Variants in CHD6 observed in about 807,000 individuals in gnomAD.
CHD6 encodes the protein ATP-dependent chromatin remodeler CHD6.
A neutral mutation model predicts 276.9 loss-of-function variants in CHD6; 50 were observed. That is an observed-to-expected ratio of 0.18 (90% CI 0.14 to 0.23). The LOEUF (loss-of-function observed/expected upper bound fraction) is 0.23. Ranked by LOEUF, CHD6 falls within the 10% of genes least tolerant of loss-of-function variation. CHD6 has a pLI of 1.00. For missense variants in CHD6, 2,564 were observed against 3,365.8 expected (o/e 0.76, Z 5.89); for synonymous variants, 1,173 against 1,229.3 (o/e 0.95, Z 0.96).
At chr20:41,607,658 C>T (rs555762793) in intron 1 of CHD6, among the ~76,000 whole-genome samples, 13 of 150,820 alleles carry the variant, frequency 8.6e-5, no homozygotes, top group South Asian at 8.4e-4. Context: ...CATGAAGACA[C>T]GGGTCTTGCT....
intron 3 of CHD6, among the ~76,000 whole-genome samples, chr20:41,516,186 C>T (rs554353270): frequency 2.0e-5 from 3 of 149,838 alleles, no homozygotes; most frequent in Non-Finnish European, 4.4e-5. Flanking sequence ...TTTTTTTAGA[C>T]GGAGTCTCGC....
At chr20:41,575,472 T>C (rs1203877374) in intron 1 of CHD6, among the ~76,000 whole-genome samples, 1 of 152,190 alleles carries the variant, frequency 6.6e-6, no homozygotes, top group Non-Finnish European at 1.5e-5. Context: ...ATGGTTCATG[T>C]CATAAATACC....
chr20:41,597,117 T>C (rs748519724), intron 1 of CHD6, among the ~76,000 whole-genome samples: 4 of 152,072 alleles, frequency 2.6e-5, no homozygotes, highest in African/African-American at 7.2e-5. Context: ...TGTGGAAGAA[T>C]AGGTCACTTC....
At chr20:41,476,877 T>G (rs1315838228) in intron 16 of CHD6, among the ~76,000 whole-genome samples, 1 of 152,066 alleles carries the variant, frequency 6.6e-6, no homozygotes, top group African/African-American at 2.4e-5. Context: ...TAAATGTGTA[T>G]GTATGTATAC....
intron 29 of CHD6, among the ~76,000 whole-genome samples, chr20:41,424,549 A>G (rs2047301070): frequency 6.6e-6 from 1 of 152,242 alleles, no homozygotes; most frequent in South Asian, 2.1e-4. Context: ...AGTCAGGAGT[A>G]CAGAGAAGTA....
chr20:41,559,299 T>C (rs1277919753), intron 1 of CHD6, among the ~76,000 whole-genome samples: 1 of 152,170 alleles, frequency 6.6e-6, no homozygotes, highest in Non-Finnish European at 1.5e-5. Flanking sequence ...AAGTTATCAC[T>C]AAATGTCTCC....
chr20:41,420,941 A>G lies in CHD6; in HGVS notation c.5694T>C (p.Thr1898=). The change falls in exon 31 of 37, where the codon ACT becomes ACC. Residue 1898 remains threonine, a synonymous_variant. Transcript: ENST00000373233. ...PEVLHLTEPT[T]NISREKNQGF... ...CTTGGTTCTTTTCCCTTGAGATGTT[A>G]GTAGTGGGCTCCGTGAGATGCAATA... 1 of 1,614,156 alleles carries G rather than the reference A, an allele frequency of 6.2e-7. No individual in the cohort carries two copies. Among genetic ancestry groups the G allele is most frequent in the African/African-American group, 1.3e-5 (1 of 75,032 alleles).
intron 1 of CHD6, among the ~76,000 whole-genome samples, chr20:41,585,104 T>C (rs2045579883): frequency 1.3e-5 from 2 of 152,082 alleles, no homozygotes; most frequent in Non-Finnish European, 2.9e-5. Context: ...GAGGTATACA[T>C]TAAAGGAAAA....
chr20:41,518,374 A>C (rs1461404251), intron 3 of CHD6, among the ~76,000 whole-genome samples: 1 of 152,228 alleles, frequency 6.6e-6, no homozygotes, highest in African/African-American at 2.4e-5. Context: ...CCAAATCATA[A>C]CTAAGGAATA....
At chr20:41,412,933 A>G (rs1028397223) in intron 35 of CHD6, among the ~76,000 whole-genome samples, 3 of 152,176 alleles carry the variant, frequency 2.0e-5, no homozygotes, top group African/African-American at 2.4e-5. Flanking sequence ...TGGTCCCCCA[A>G]CCACCACAAA....
intron 4 of CHD6, among the ~76,000 whole-genome samples, chr20:41,513,322 A>G (rs1186734229): frequency 6.6e-6 from 1 of 152,148 alleles, no homozygotes; most frequent in Non-Finnish European, 1.5e-5. Context: ...CTCCTCCAAT[A>G]AAACAAGGAT....
intron 36 of CHD6, among the ~76,000 whole-genome samples, chr20:41,409,900 T>C (rs2046792600): frequency 6.6e-6 from 1 of 152,314 alleles, no homozygotes; most frequent in South Asian, 2.1e-4. Flanking sequence ...TATATACATA[T>C]GTAACTTACA....
intron 1 of CHD6, among the ~76,000 whole-genome samples, chr20:41,590,220 G>T (rs1042418897): frequency 6.6e-6 from 1 of 152,070 alleles, no homozygotes; most frequent in African/African-American, 2.4e-5. Context: ...AATTCAAGAT[G>T]GATTAAAGAC....
intron 8 of CHD6, among the ~76,000 whole-genome samples, chr20:41,494,389 A>G (rs972394869): frequency 1.3e-5 from 2 of 152,210 alleles, no homozygotes; most frequent in African/African-American, 4.8e-5. Context: ...TAGTTACACA[A>G]ATGTGTTTAC....
chr20:41,568,680 T>G (rs2045384838), intron 1 of CHD6, among the ~76,000 whole-genome samples: 1 of 152,186 alleles, frequency 6.6e-6, no homozygotes, highest in Non-Finnish European at 1.5e-5. Flanking sequence ...TTCCAAAGTG[T>G]TTTTTTCCCT....
At chr20:41,597,577 C>A (rs2045730830) in intron 1 of CHD6, among the ~76,000 whole-genome samples, 2 of 152,096 alleles carry the variant, frequency 1.3e-5, no homozygotes, top group African/African-American at 4.8e-5. Context: ...CTCCTAACGA[C>A]TGAAACAGCA....
At chr20:41,419,527 C>G (rs2145449387) in intron 31 of CHD6, among the ~76,000 whole-genome samples, 1 of 122,188 alleles carries the variant, frequency 8.2e-6, no homozygotes, top group African/African-American at 3.1e-5. Context: ...TGCACTCCAG[C>G]CTGGGTGACA....
chr20:41,556,935 G>A (rs952689118), intron 1 of CHD6, among the ~76,000 whole-genome samples: 2 of 152,116 alleles, frequency 1.3e-5, no homozygotes, highest in Non-Finnish European at 2.9e-5. Flanking sequence ...AGGAATAGAT[G>A]AATAGATACA....
At chr20:41,527,941 C>G (rs2044584448) in intron 3 of CHD6, among the ~76,000 whole-genome samples, 1 of 152,184 alleles carries the variant, frequency 6.6e-6, no homozygotes, top group South Asian at 2.1e-4. Flanking sequence ...CCTCTCTCTG[C>G]CTTTGGCCAC....
Sources: gnomAD v4.1 joint callset for allele counts (sites outside exome capture counted in the v4.1 genomes callset) on GRCh38, gnomAD v4.1.1 for gene constraint, MANE v1.5 for transcripts, NCBI Gene and HGNC (gene_info 2026-07-23, HGNC 2026-07-21) for gene names.